Variants in EPS15L1 observed in about 807,000 individuals in gnomAD.
EPS15L1 encodes the protein epidermal growth factor receptor substrate 15-like 1.
EPS15L1 carries 43 observed loss-of-function variants against 117.1 expected under a neutral mutation model. The ratio of observed to expected loss-of-function variants is 0.37; its 90% confidence interval spans 0.29 to 0.47. The LOEUF (loss-of-function observed/expected upper bound fraction) is 0.47. EPS15L1 is among the 20% of genes least tolerant of loss of function. EPS15L1 has a pLI of 0.99. For synonymous variants in EPS15L1, 459 were observed against 470.5 expected, an observed-to-expected ratio of 0.98 and a Z score of 0.32; for missense variants, 981 against 1,164.0, an observed-to-expected ratio of 0.84 and a Z score of 2.29.
chr19:16,397,578 T>A (rs2092553426), intron 16 of EPS15L1, among the ~76,000 whole-genome samples: 2 of 152,106 alleles, frequency 1.3e-5, no homozygotes. Flanking sequence ...TAGGTGGGCA[T>A]TTGGGAAAAT....
chr19:16,398,985 A>G (rs939264496), intron 16 of EPS15L1, among the ~76,000 whole-genome samples: 6 of 150,730 alleles, frequency 4.0e-5, no homozygotes, highest in African/African-American at 1.5e-4. Context: ...ATTGGCATTT[A>G]TTTATAAGGT....
intron 1 of EPS15L1, among the ~76,000 whole-genome samples, chr19:16,461,494 C>T (rs2093250906): frequency 6.6e-6 from 1 of 151,674 alleles, no homozygotes; most frequent in Non-Finnish European, 1.5e-5. Context: ...TGGTGGCATA[C>T]ACGTGTGGTC....
intron 16 of EPS15L1, chr19:16,401,658 C>T: frequency 1.0e-6 from 1 of 985,446 alleles, no homozygotes; most frequent in Non-Finnish European, 1.2e-6. Flanking sequence ...GAAAAGGTCA[C>T]ACCTGTCTTG....
chr19:16,374,829 G>C lies in EPS15L1; in HGVS notation c.2380+2293C>G, dbSNP rs540259250. On this transcript the variant is annotated intron_variant, in intron 22 of 23. Transcript: ENST00000455140. ...ATGTGTGTACACGTATGTAAGCACAGAGTGTGCATGCCCGGGTGTGTATGA... is the reference window on the plus strand; with the variant it reads ...ATGTGTGTACACGTATGTAAGCACACAGTGTGCATGCCCGGGTGTGTATGA... Among the ~76,000 whole-genome samples, 9 of 152,380 alleles carry C rather than the reference G, an allele frequency of 5.9e-5. 1 individual carries two copies. The South Asian group carries it at 1.9e-3, about 32-fold the overall frequency.
chr19:16,469,578 T>C (rs893251751), intron 1 of EPS15L1, among the ~76,000 whole-genome samples: 1 of 151,970 alleles, frequency 6.6e-6, no homozygotes, highest in Non-Finnish European at 1.5e-5. Context: ...GAATTTACGT[T>C]GATATTCAGG....
chr19:16,470,658 T>G (rs1240732155), intron 1 of EPS15L1, among the ~76,000 whole-genome samples: 1 of 152,118 alleles, frequency 6.6e-6, no homozygotes, highest in Admixed American at 6.6e-5. Context: ...GTTAACTTAG[T>G]GACAGTGTTG....
At chr19:16,400,356 C>CAAAAAAA (rs377693014) in intron 16 of EPS15L1, among the ~76,000 whole-genome samples, 2 of 122,940 alleles carry the variant, frequency 1.6e-5, no homozygotes. Context: ...AAAACAAAAA[C>CAAAAAAA]AAAAAAAAAA....
At chr19:16,364,020 C>T (rs559565612) in intron 22 of EPS15L1, among the ~76,000 whole-genome samples, 102 of 152,336 alleles carry the variant, frequency 6.7e-4, no homozygotes, top group Middle Eastern at 3.4e-3. Flanking sequence ...CCTTAGCTGA[C>T]CTCTGGCCAC....
chr19:16,423,501 T>C (rs1020512956), intron 9 of EPS15L1, among the ~76,000 whole-genome samples: 2 of 151,742 alleles, frequency 1.3e-5, no homozygotes, highest in Non-Finnish European at 2.9e-5. Flanking sequence ...GCCCAGGAGG[T>C]TGAGATAGCA....
At chr19:16,426,315 T>C (rs1281168412) in intron 8 of EPS15L1, among the ~76,000 whole-genome samples, 1 of 152,206 alleles carries the variant, frequency 6.6e-6, no homozygotes, top group East Asian at 1.9e-4. Context: ...GAACACTCCA[T>C]AACTGCTGGC....
intron 8 of EPS15L1, among the ~76,000 whole-genome samples, chr19:16,428,328 C>T (rs1034525288): frequency 2.0e-5 from 3 of 150,564 alleles, no homozygotes; most frequent in Admixed American, 6.6e-5. Flanking sequence ...TGGCCAAGAT[C>T]GGGCCACTGA....
At chr19:16,433,928 A>T (rs1163805108) in intron 7 of EPS15L1, among the ~76,000 whole-genome samples, 4 of 152,100 alleles carry the variant, frequency 2.6e-5, no homozygotes. Flanking sequence ...GTGCCACTGC[A>T]CTCCAGCCTA....
chr19:16,430,906 C>G (rs536417595), intron 7 of EPS15L1, among the ~76,000 whole-genome samples: 1 of 152,136 alleles, frequency 6.6e-6, no homozygotes, highest in African/African-American at 2.4e-5. Flanking sequence ...CATAGGGATG[C>G]GGAGGGACAT....
rs907386841 is a variant in EPS15L1 at position 16,434,311 on chromosome 19, CCA to C, written c.498+52_498+53del. The C allele has an allele frequency of 1.7e-5, 27 of 1,589,368 alleles. No homozygotes were observed. In the African/African-American group the frequency reaches 3.0e-4, roughly 18 times the overall value. ...CCATGGGGAAAGAGAACAGTGGCGC[CCA>C]CACACAGCAGGGACACTGAGTGCAG... On this transcript the variant is annotated intron_variant, in intron 7 of 23. Transcript: ENST00000455140.
chr19:16,418,986 C>A (rs1054621817), intron 10 of EPS15L1, among the ~76,000 whole-genome samples: 24 of 152,244 alleles, frequency 1.6e-4, no homozygotes, highest in African/African-American at 5.5e-4. Context: ...TCCTCTTGTG[C>A]CCAAATGAGG....
chr19:16,454,087 G>T (rs1252497246), intron 1 of EPS15L1, among the ~76,000 whole-genome samples: 1 of 152,208 alleles, frequency 6.6e-6, no homozygotes, highest in Non-Finnish European at 1.5e-5. Context: ...CTGGGAGACT[G>T]AGAAGTGATG....
intron 1 of EPS15L1, among the ~76,000 whole-genome samples, chr19:16,458,968 A>G (rs551165254): frequency 6.6e-6 from 1 of 152,320 alleles, no homozygotes; most frequent in East Asian, 1.9e-4. Flanking sequence ...CCTAGAAGGC[A>G]GCGCCTGCTC....
At position 16,434,501 on chromosome 19, in the gene EPS15L1, A is replaced by G. The variant is rs374310841; in HGVS notation, c.373-11T>C. ...GGCCTTTTCTTCCACCTAGTTGGAAAGAAATAGCCCGAGTAAGTAGGAGAG... is the reference window on the plus strand; with the variant it reads ...GGCCTTTTCTTCCACCTAGTTGGAAGGAAATAGCCCGAGTAAGTAGGAGAG... On this transcript the variant is annotated splice_polypyrimidine_tract_variant and intron_variant, in intron 6 of 23. Coordinates refer to ENST00000455140, the MANE Select transcript of EPS15L1 (RefSeq NM_001258374.3). 5.1e-5 allele frequency: 83 copies of G among 1,612,200 alleles called. No individual in the cohort carries two copies. The highest frequency in any genetic ancestry group is 3.3e-5 in the Admixed American group (2 of 59,704).
intron 12 of EPS15L1, among the ~76,000 whole-genome samples, chr19:16,415,109 G>A (rs994753292): frequency 2.0e-5 from 3 of 152,168 alleles, no homozygotes; most frequent in African/African-American, 7.2e-5. Context: ...ATTGATTATA[G>A]GTGTGAGCCA....
Sources: allele counts gnomAD v4.1 joint callset (sites outside exome capture counted in the v4.1 genomes callset), GRCh38; gene constraint gnomAD v4.1.1; transcripts MANE v1.5; gene names NCBI Gene and HGNC (gene_info 2026-07-23, HGNC 2026-07-21).